HDGFL3: variants seen among roughly 807,000 people sequenced by gnomAD.
HDGFL3 encodes the protein hepatoma-derived growth factor-related protein 3.
In HDGFL3, 6 loss-of-function variants were observed where a neutral mutation model predicts 27.6. The observed-to-expected ratio is 0.22, with a 90% CI of 0.12 to 0.43. The LOEUF is 0.43. Among genes scored for constraint, HDGFL3 ranks in the 20% least tolerant of loss-of-function variants. HDGFL3 has a pLI of 1.00. For missense variants in HDGFL3, 207 were observed against 250.1 expected (o/e 0.83, Z 1.16); for synonymous variants, 88 against 88.9 (o/e 0.99, Z 0.05).
chr15:83,166,667 T>C (rs2037175448), intron 1 of HDGFL3, among the ~76,000 whole-genome samples: 1 of 152,176 alleles, frequency 6.6e-6, no homozygotes, highest in African/African-American at 2.4e-5. Context: ...CTGCAGGCTG[T>C]ACAGCAAGCA....
chr15:83,122,095 A>G, intron 3 of HDGFL3: 1 of 988,404 alleles, frequency 1.0e-6, no homozygotes, highest in East Asian at 2.5e-5. Flanking sequence ...TAATAGAACC[A>G]AGTGATTCCA....
intron 5 of HDGFL3, among the ~76,000 whole-genome samples, chr15:83,141,265 C>T (rs920064544): frequency 1.3e-5 from 2 of 152,082 alleles, no homozygotes; most frequent in Non-Finnish European, 2.9e-5. Flanking sequence ...AGAATCCAAT[C>T]GGATTCTCTC....
exon 4 of HDGFL3, chr15:83,113,541 G>A (rs1222847214): frequency 6.6e-6 from 1 of 152,564 alleles, no homozygotes; most frequent in Non-Finnish European, 1.5e-5. Context: ...CACTTCCTGT[G>A]CCAGGTACCT....
chr15:83,138,946 GA>G lies in HDGFL3; in HGVS notation c.*323del. 4.9e-6 allele frequency: 1 copy of G among 202,976 alleles called. No individual in the cohort carries two copies. Among genetic ancestry groups the G allele is most frequent in the Non-Finnish European group, 9.9e-6 (1 of 101,482 alleles). The allele number at this position is 202,976 out of a possible 1,614,324, so 12.6% of individuals were successfully genotyped here. A position where few individuals can be genotyped will look rare whatever the true frequency, so the allele number is the denominator to read the frequency against. On this transcript the variant is annotated 3_prime_UTR_variant, in exon 6 of 6. Coordinates refer to ENST00000299633, the MANE Select transcript of HDGFL3 (RefSeq NM_016073.4). ...TTTGATGATGGTGGGGTCAAGGCAG[GA>G]AAACGATGATCATAACTGCCTTGAT... is the stretch of plus-strand genomic sequence containing the variant.
At chr15:83,187,171 T>A (rs2037453773) in intron 1 of HDGFL3, among the ~76,000 whole-genome samples, 1 of 149,244 alleles carries the variant, frequency 6.7e-6, no homozygotes, top group South Asian at 2.1e-4. Flanking sequence ...TTTTTTTTTT[T>A]TTAAACAGAG....
downstream of HDGFL3, chr15:83,126,652 CAGCAA>C: frequency 2.2e-6 from 2 of 904,516 alleles, no homozygotes; most frequent in East Asian, 2.5e-5. Flanking sequence ...TTTTGTTAAA[CAGCAA>C]AGCAGCTTGT....
chr15:83,136,748 C>G lies in HDGFL3; in HGVS notation c.*2522G>C. The G allele has an allele frequency of 7.9e-7, 1 of 1,264,492 alleles. No individual in the cohort carries two copies. Among genetic ancestry groups the G allele is most frequent in the Non-Finnish European group, 1.1e-6 (1 of 902,868 alleles). The allele number at this position is 1,264,492 out of a possible 1,614,324, so 78.3% of individuals were successfully genotyped here. On this transcript the variant is annotated 3_prime_UTR_variant, in exon 6 of 6. Transcript: ENST00000299633. ...GGTACTGATATTTTGTCCCATTTCA[C>G]TCTCTTCTCATACGTGAGTACTTAA...
chr15:83,164,540 C>T (rs955837959), intron 1 of HDGFL3, among the ~76,000 whole-genome samples: 1 of 152,192 alleles, frequency 6.6e-6, no homozygotes, highest in Non-Finnish European at 1.5e-5. Flanking sequence ...GCCTGGACTA[C>T]TACAAGTCTC....
In HDGFL3 at chr15:83,134,982, A is replaced by C. The variant is rs1239100493; in HGVS notation, c.*4288T>G. The C allele has an allele frequency of 5.3e-5, 8 of 152,160 alleles. No homozygotes were observed. The East Asian group carries it at 1.5e-3, about 29-fold the overall frequency. The allele number at this position is 152,160 out of a possible 1,614,324, so 9.4% of individuals were successfully genotyped here. A position where few individuals can be genotyped will look rare whatever the true frequency, so the allele number is the denominator to read the frequency against. On this transcript the variant is annotated 3_prime_UTR_variant, in exon 6 of 6. Coordinates refer to ENST00000299633, the MANE Select transcript of HDGFL3 (RefSeq NM_016073.4). ...CCTCAGAGCCCAGAGATGCATATAC[A>C]TTTGCTGGGTTCTGCCTGGGCATCT...
chr15:83,175,938 CAG>C (rs372458639), intron 1 of HDGFL3, among the ~76,000 whole-genome samples: 46 of 152,334 alleles, frequency 3.0e-4, no homozygotes, highest in Middle Eastern at 3.4e-3. Context: ...ACAGATGAGA[CAG>C]ATTCTTAGCC....
chr15:83,163,371 C>T (rs761978587), intron 2 of HDGFL3, among the ~76,000 whole-genome samples: 4 of 152,204 alleles, frequency 2.6e-5, no homozygotes, highest in East Asian at 3.9e-4. Flanking sequence ...TTTGTTTTAG[C>T]GGTTAATGAC....
chr15:83,206,424 A>G (rs1220993578), intron 1 of HDGFL3, among the ~76,000 whole-genome samples: 2 of 152,256 alleles, frequency 1.3e-5, no homozygotes. Flanking sequence ...ATAAAAATAA[A>G]AAGGATTTCT....
At chr15:83,113,316 G>A (rs2034364826) in exon 4 of HDGFL3, 1 of 204,984 alleles carries the variant, frequency 4.9e-6, no homozygotes, top group African/African-American at 2.3e-5. Context: ...AATGGAACCT[G>A]CCATAGAGAC....
chr15:83,122,868 A>G (rs774641994), downstream of HDGFL3: 1 of 1,613,900 alleles, frequency 6.2e-7, no homozygotes, highest in Non-Finnish European at 8.5e-7. Context: ...AATTATAATT[A>G]CCCCTCAAAG....
At position 83,128,150 on chromosome 15, in the gene HDGFL3, A is replaced by G. The variant is rs140269385; in HGVS notation, c.*11120T>C. 3 of 152,440 alleles carry G rather than the reference A, an allele frequency of 2.0e-5. No homozygotes were observed. Among genetic ancestry groups the G allele is most frequent in the Admixed American group, 6.5e-5 (1 of 15,308 alleles). The allele number at this position is 152,440 out of a possible 1,614,324, so 9.4% of individuals were successfully genotyped here. On this transcript the variant is annotated 3_prime_UTR_variant, in exon 6 of 6. Transcript: ENST00000299633. Reference sequence around the variant, plus strand: ...AATAAAACAAATGAACTTATCATTTAAAAACATTAGCTTCATCTTGTTCTT... The same window carrying G: ...AATAAAACAAATGAACTTATCATTTGAAAACATTAGCTTCATCTTGTTCTT...
At chr15:83,142,541 G>A (rs2036796349) in intron 5 of HDGFL3, among the ~76,000 whole-genome samples, 1 of 152,104 alleles carries the variant, frequency 6.6e-6, no homozygotes, top group Admixed American at 6.6e-5. Context: ...AAGGAGAGGA[G>A]GAAGAGGATC....
At chr15:83,160,989 T>C (rs1020380941) in intron 2 of HDGFL3, among the ~76,000 whole-genome samples, 1 of 152,224 alleles carries the variant, frequency 6.6e-6, no homozygotes, top group Non-Finnish European at 1.5e-5. Context: ...ATTACATTAC[T>C]GGACATCTTA....
At chr15:83,175,754 G>T (rs1567173143) in intron 1 of HDGFL3, among the ~76,000 whole-genome samples, 1 of 152,192 alleles carries the variant, frequency 6.6e-6, no homozygotes, top group Non-Finnish European at 1.5e-5. Flanking sequence ...CAGCTACTCG[G>T]GAGGCTGAGG....
chr15:83,203,207 G>T (rs1384607708), intron 1 of HDGFL3, among the ~76,000 whole-genome samples: 2 of 152,064 alleles, frequency 1.3e-5, no homozygotes, highest in Non-Finnish European at 2.9e-5. Flanking sequence ...TGACCTTTTA[G>T]AGTAGGGGGT....
Sources: allele counts gnomAD v4.1 joint callset (sites outside exome capture counted in the v4.1 genomes callset), GRCh38; gene constraint gnomAD v4.1.1; transcripts MANE v1.5; gene names NCBI Gene and HGNC (gene_info 2026-07-23, HGNC 2026-07-21).